Variants in KDM2B observed in about 807,000 individuals in gnomAD.
KDM2B encodes the protein lysine-specific demethylase 2B.
KDM2B carries 26 observed loss-of-function variants against 150.0 expected under a neutral mutation model. The ratio of observed to expected loss-of-function variants is 0.17; its 90% CI spans 0.13 to 0.24. KDM2B has a LOEUF of 0.24. Among genes scored for constraint, KDM2B ranks in the 10% least tolerant of loss-of-function variants. KDM2B has a pLI of 1.00. For synonymous variants in KDM2B, 734 were observed against 729.5 expected (o/e 1.01, Z -0.10); for missense variants, 1,265 against 1,816.9 (o/e 0.70, Z 5.52).
chr12:121,442,530 G>C lies in KDM2B; in HGVS notation c.2911C>G (p.Gln971Glu). ...TENSLANENQ[Q>E]PIKSEPESEG... ...CTCTCAGGCTCCGACTTGATGGGCT[G>C]CTGGTTCTCGTTGGCCAGGCTGTTC... The change falls in exon 19 of 23, where the codon CAG (glutamine) becomes GAG (glutamate). Residue 971 changes from glutamine to glutamate, a missense_variant. Around this residue, in one of 11 missense-constraint regions of KDM2B, gnomAD observed 418 missense variants for 402.4 expected, o/e 1.04. Coordinates refer to ENST00000377071, the MANE Select transcript of KDM2B (RefSeq NM_032590.5). This position sits in a 1 kb window ranked among gnomAD's most constrained non-coding sequence, Gnocchi z 7.7. 1 of 1,599,762 alleles carries C rather than the reference G, an allele frequency of 6.3e-7. No homozygotes were observed. The highest frequency in any genetic ancestry group is 8.5e-7 in the Non-Finnish European group (1 of 1,179,884).
At position 121,444,481 on chromosome 12, in the gene KDM2B, G is replaced by A; in HGVS notation, c.2159C>T (p.Pro720Leu). 1 of 1,614,114 alleles carries A rather than the reference G, an allele frequency of 6.2e-7. No individual in the cohort carries two copies. ...GGTCTTGCCGGCGTGGTTACACTTC[G>A]GACACTCCCAGCAGTTTGGAAGCTC... Reference protein sequence around the residue: ...NDELPNCWECPKCNHAGKTGK... With the variant: ...NDELPNCWECLKCNHAGKTGK... Residue 720 changes from proline to leucine, a missense_variant, in exon 15 of 23, where the codon CCG becomes CTG. Physicochemically the swap from Pro to Leu is moderately conservative, Grantham distance 98. Coordinates refer to ENST00000377071, the MANE Select transcript of KDM2B (RefSeq NM_032590.5).
chr12:121,536,887 C>A (rs1012918620), intron 6 of KDM2B, among the ~76,000 whole-genome samples: 8 of 152,164 alleles, frequency 5.3e-5, no homozygotes, highest in African/African-American at 7.2e-5. Context: ...AACCAGGTCA[C>A]CCCCATCCTG....
intron 11 of KDM2B, among the ~76,000 whole-genome samples, chr12:121,494,967 C>T (rs1555300672): frequency 6.6e-6 from 1 of 151,908 alleles, no homozygotes; most frequent in East Asian, 1.9e-4. Flanking sequence ...AGCACTTGTC[C>T]AGAGCGTCGG....
chr12:121,578,061 G>A (rs1891627272), intron 2 of KDM2B, among the ~76,000 whole-genome samples: 1 of 152,206 alleles, frequency 6.6e-6, no homozygotes, highest in Non-Finnish European at 1.5e-5. Context: ...GGCCTGGGAG[G>A]AGACCCATTT....
At chr12:121,524,591 T>C (rs948421169) in intron 8 of KDM2B, 5 of 302,838 alleles carry the variant, frequency 1.7e-5, no homozygotes, top group Non-Finnish European at 3.4e-5. Flanking sequence ...CCCCCAGCTC[T>C]GCTCACATCT....
chr12:121,579,022 C>T (rs749738245), intron 1 of KDM2B, 76 bp from the exon 2 acceptor site: 1 of 1,499,448 alleles, frequency 6.7e-7, no homozygotes, highest in Non-Finnish European at 9.0e-7. Context: ...GGGCCCAGCA[C>T]TAACAGGTGC....
chr12:121,498,244 A>T (rs1555301365), intron 11 of KDM2B, among the ~76,000 whole-genome samples: 1 of 152,180 alleles, frequency 6.6e-6, no homozygotes, highest in Non-Finnish European at 1.5e-5. Context: ...GGGGGAGAAG[A>T]CCGTCACTTC....
At chr12:121,431,057 G>A (rs782414487) in intron 22 of KDM2B, among the ~76,000 whole-genome samples, 12 of 152,046 alleles carry the variant, frequency 7.9e-5, no homozygotes, top group Admixed American at 7.2e-4. Flanking sequence ...CAGCAGCCTA[G>A]ACACCAGACC....
chr12:121,429,808 T>C lies in KDM2B; in HGVS notation c.*480A>G. 1.8e-6 allele frequency: 1 copy of C among 542,186 alleles called. No individual in the cohort carries two copies. Among genetic ancestry groups the C allele is most frequent in the Non-Finnish European group, 3.2e-6 (1 of 308,742 alleles). The allele number at this position is 542,186 out of a possible 1,614,324, so 33.6% of individuals were successfully genotyped here. On this transcript the variant is annotated 3_prime_UTR_variant, in exon 23 of 23. Coordinates refer to ENST00000377071, the MANE Select transcript of KDM2B (RefSeq NM_032590.5). ...GCATAAATAACTTTTAAACAATTTGTACAAAAATAGTTCTGCATAATGTAA... is the reference window on the plus strand; with the variant it reads ...GCATAAATAACTTTTAAACAATTTGCACAAAAATAGTTCTGCATAATGTAA...
At chr12:121,410,796 C>G in the KDM2B span, among the ~76,000 whole-genome samples, 1 of 152,130 alleles carries the variant, frequency 6.6e-6, no homozygotes. Flanking sequence ...AGGCTGCAAC[C>G]TAAATTTTTC....
At chr12:121,497,066 C>A (rs1294868461) in intron 11 of KDM2B, among the ~76,000 whole-genome samples, 1 of 151,268 alleles carries the variant, frequency 6.6e-6, no homozygotes, top group Non-Finnish European at 1.5e-5. Context: ...ACCTGAAGAA[C>A]TTCCTCCTTA....
Position 121,430,849 on chromosome 12 carries a change from C to T in KDM2B, c.3830-380G>A. The stretch of plus-strand genomic sequence containing the variant: ...TCATCTAATATGTTGTTGATGAGTA[C>T]TGCTCTATGTCTATTACTGTGCATT... On this transcript the variant is annotated intron_variant, in intron 22 of 22. Transcript: ENST00000377071. The surrounding 1 kb of genome is among the most constrained non-coding windows in gnomAD (Gnocchi z 4.4). Among the ~76,000 whole-genome samples, 1 of 152,200 alleles carries T rather than the reference C, an allele frequency of 6.6e-6. No homozygotes were observed. Among genetic ancestry groups the T allele is most frequent in the East Asian group, 1.9e-4 (1 of 5,208 alleles).
At chr12:121,519,673 T>C (rs1442412489) in intron 9 of KDM2B, among the ~76,000 whole-genome samples, 2 of 152,160 alleles carry the variant, frequency 1.3e-5, no homozygotes, top group African/African-American at 2.4e-5. Flanking sequence ...GGTTTCTTTT[T>C]GGGGTGATGA....
chr12:121,547,645 C>CTTTTTTT (rs55686141), intron 6 of KDM2B, among the ~76,000 whole-genome samples: 1 of 80,268 alleles, frequency 1.2e-5, no homozygotes, highest in Admixed American at 1.4e-4. Context: ...CTTCCCCTTC[C>CTTTTTTT]TTTTTTTTTT....
At chr12:121,491,811 A>G (rs1043906003) in intron 12 of KDM2B, among the ~76,000 whole-genome samples, 19 of 151,330 alleles carry the variant, frequency 1.3e-4, no homozygotes, top group Non-Finnish European at 2.7e-4. Context: ...AAAAAAAAAA[A>G]AGTACACCTG....
At chr12:121,464,889 C>T (rs369317951) in intron 12 of KDM2B, among the ~76,000 whole-genome samples, 1 of 152,178 alleles carries the variant, frequency 6.6e-6, no homozygotes, top group Non-Finnish European at 1.5e-5. Context: ...CAAATGCTTT[C>T]GAGGTCCTCA....
intron 13 of KDM2B, among the ~76,000 whole-genome samples, chr12:121,448,358 T>TC (rs1397153663): frequency 6.6e-5 from 10 of 151,716 alleles, no homozygotes; most frequent in Non-Finnish European, 1.3e-4. Context: ...AGTTTTAATT[T>TC]TTTTTTTTAG....
intron 6 of KDM2B, among the ~76,000 whole-genome samples, chr12:121,544,480 C>T (rs1888862048): frequency 6.7e-6 from 1 of 150,122 alleles, no homozygotes; most frequent in Non-Finnish European, 1.5e-5. Flanking sequence ...TGTGTTGGTG[C>T]ACACCTGTAG....
At chr12:121,482,183 T>A (rs998449370) in intron 12 of KDM2B, among the ~76,000 whole-genome samples, 1 of 152,206 alleles carries the variant, frequency 6.6e-6, no homozygotes, top group Admixed American at 6.6e-5. Context: ...GTGAACGTAG[T>A]CTTGAAGTTC....
Sources: gnomAD v4.1 joint callset for allele counts (sites outside exome capture counted in the v4.1 genomes callset) on GRCh38, gnomAD v4.1.1 for gene constraint, gnomAD v4.1.1 regional missense constraint, Gnocchi (gnomAD v3.1) non-coding constraint, MANE v1.5 for transcripts, NCBI Gene and HGNC (gene_info 2026-07-23, HGNC 2026-07-21) for gene names.